NEO1: variants seen among roughly 807,000 people sequenced by gnomAD.
NEO1 encodes the protein neogenin 1, also known as neogenin.
NEO1 carries 63 observed loss-of-function variants against 159.7 expected under a neutral mutation model. The ratio of observed to expected loss-of-function variants is 0.39; its 90% confidence interval spans 0.32 to 0.49. NEO1 has a LOEUF of 0.49. Ranked by LOEUF, NEO1 falls within the 20% of genes least tolerant of loss-of-function variation. The probability of loss-of-function intolerance (pLI) is 0.85; values close to 1 mark genes in which losing one functional copy is unlikely to be tolerated. For synonymous variants in NEO1, 633 were observed against 662.0 expected, an observed-to-expected ratio of 0.96 and a Z score of 0.67; for missense variants, 1,615 against 1,831.0, an observed-to-expected ratio of 0.88 and a Z score of 2.15.
chr15:73,200,765 C>T (rs1243684567), intron 7 of NEO1, among the ~76,000 whole-genome samples: 1 of 149,274 alleles, frequency 6.7e-6, no homozygotes, highest in Non-Finnish European at 1.5e-5. Flanking sequence ...CTCACGGCAG[C>T]CTCGACTTCC....
intron 7 of NEO1, among the ~76,000 whole-genome samples, chr15:73,206,619 T>C (rs932456235): frequency 6.6e-6 from 1 of 152,158 alleles, no homozygotes; most frequent in Non-Finnish European, 1.5e-5. Context: ...GTTTTGTTTT[T>C]TTAATTACTC....
intron 4 of NEO1, among the ~76,000 whole-genome samples, chr15:73,129,622 G>A (rs995226016): frequency 6.6e-6 from 1 of 152,062 alleles, no homozygotes; most frequent in Non-Finnish European, 1.5e-5. Flanking sequence ...TATTTTAAAG[G>A]GAGAGAATCT....
intron 1 of NEO1, among the ~76,000 whole-genome samples, chr15:73,075,614 A>C (rs1003650229): frequency 6.6e-6 from 1 of 151,128 alleles, no homozygotes; most frequent in South Asian, 2.1e-4. Flanking sequence ...CATTTGATAG[A>C]GACACTGGAA....
intron 1 of NEO1, among the ~76,000 whole-genome samples, chr15:73,075,185 C>A (rs1318904990): frequency 4.6e-5 from 7 of 152,130 alleles, no homozygotes; most frequent in African/African-American, 1.7e-4. Context: ...TTCCAGCCTT[C>A]TAGAAGTCCA....
At chr15:73,224,513 C>T (rs896147661) in intron 7 of NEO1, among the ~76,000 whole-genome samples, 2 of 152,022 alleles carry the variant, frequency 1.3e-5, no homozygotes, top group African/African-American at 4.8e-5. Context: ...TTTTCTTATT[C>T]TTTTTTCTTT....
At chr15:73,289,375 G>A (rs1308521003) in intron 25 of NEO1, 137 bp downstream of exon 25, 1 of 738,062 alleles carries the variant, frequency 1.4e-6, no homozygotes, top group Non-Finnish European at 2.3e-6. Flanking sequence ...CTTGAAGGAG[G>A]AAGTACCAAA....
chr15:73,290,526 A>ATG (rs2042126490), intron 25 of NEO1, among the ~76,000 whole-genome samples: 1 of 151,850 alleles, frequency 6.6e-6, no homozygotes, highest in Non-Finnish European at 1.5e-5. Flanking sequence ...AGCCACCACC[A>ATG]CCCGCCCAGC....
intron 7 of NEO1, among the ~76,000 whole-genome samples, chr15:73,202,573 C>T (rs2036962650): frequency 6.6e-6 from 1 of 152,088 alleles, no homozygotes. Context: ...TTGTTTTCTA[C>T]CTCCTCCTCT....
In NEO1 at chr15:73,249,062, C is replaced by A; in HGVS notation, c.1609C>A (p.Gln537Lys). The A allele has an allele frequency of 6.2e-7, 1 of 1,613,374 alleles. No homozygotes were observed. The highest frequency in any genetic ancestry group is 1.1e-5 in the South Asian group (1 of 90,960). ...PLRVETQPEVQLPGPAPNLRA... is the reference protein window; with the variant it reads ...PLRVETQPEVKLPGPAPNLRA... ...CTTTCTCGAACTTTTCTTTCTAGTTCAGCTCCCTGGCCCAGCACCTAACCT... is the reference window on the plus strand; with the variant it reads ...CTTTCTCGAACTTTTCTTTCTAGTTAAGCTCCCTGGCCCAGCACCTAACCT... Residue 537 changes from glutamine (Q) to lysine (K), a missense_variant and splice_region_variant, in exon 10 of 29, where the codon CAG (glutamine) becomes AAG (lysine). By Grantham distance (53) the Gln-to-Lys change is moderately conservative. Coordinates refer to ENST00000261908, the MANE Select transcript of NEO1 (RefSeq NM_002499.4).
intron 25 of NEO1, among the ~76,000 whole-genome samples, chr15:73,290,606 G>A (rs1327916550): frequency 6.6e-6 from 1 of 152,098 alleles, no homozygotes; most frequent in East Asian, 1.9e-4. Flanking sequence ...AGGTTTCTGA[G>A]CCTCTTTTAA....
At chr15:73,207,458 C>T (rs1254037096) in intron 7 of NEO1, among the ~76,000 whole-genome samples, 1 of 152,202 alleles carries the variant, frequency 6.6e-6, no homozygotes, top group Non-Finnish European at 1.5e-5. Flanking sequence ...AGATGCCTCC[C>T]TTCTACCAGG....
chr15:73,106,979 G>GT (rs2070728215), intron 1 of NEO1, among the ~76,000 whole-genome samples: 1 of 152,084 alleles, frequency 6.6e-6, no homozygotes, highest in African/African-American at 2.4e-5. Context: ...TATCTTGCTG[G>GT]TTTTACCCTC....
intron 14 of NEO1, among the ~76,000 whole-genome samples, chr15:73,260,013 T>A (rs144639082): frequency 6.6e-6 from 1 of 152,202 alleles, no homozygotes; most frequent in East Asian, 1.9e-4. Flanking sequence ...TGTATCTCTT[T>A]GTTTTCTCTT....
chr15:73,109,940 A>G (rs2070884170), intron 1 of NEO1, among the ~76,000 whole-genome samples: 1 of 152,204 alleles, frequency 6.6e-6, no homozygotes, highest in Admixed American at 6.5e-5. Context: ...AGAGAGACTG[A>G]ACTCTGGAAC....
At chr15:73,229,067 C>CTTTTGCATTTCTTCTAGCA (rs2038759485) in intron 7 of NEO1, among the ~76,000 whole-genome samples, 4 of 152,062 alleles carry the variant, frequency 2.6e-5, no homozygotes, top group Admixed American at 2.6e-4. Context: ...TATTCTAGGT[C>CTTTTGCATTTCTTCTAGCA]TTTTGCATTT....
intron 7 of NEO1, among the ~76,000 whole-genome samples, chr15:73,201,619 T>A (rs550057488): frequency 2.1e-3 from 318 of 152,224 alleles, no homozygotes; most frequent in Non-Finnish European, 3.2e-3. Flanking sequence ...ACTTAGTAAT[T>A]TTTTTTCCTT....
intron 1 of NEO1, among the ~76,000 whole-genome samples, chr15:73,110,924 AAAAT>A (rs2151575549): frequency 6.6e-6 from 1 of 152,318 alleles, no homozygotes; most frequent in African/African-American, 2.4e-5. Flanking sequence ...GATCTTTTAG[AAAAT>A]AATCTCCTGT....
chr15:73,296,259 C>A (rs1175978886), intron 26 of NEO1, among the ~76,000 whole-genome samples: 1 of 152,146 alleles, frequency 6.6e-6, no homozygotes, highest in Non-Finnish European at 1.5e-5. Context: ...GGACATGAGT[C>A]TACTGTTCTC....
At chr15:73,138,755 CA>C (rs11368240) in intron 5 of NEO1, among the ~76,000 whole-genome samples, 33,830 of 108,670 alleles carry the variant, frequency 0.31, 6,135 homozygotes, top group African/African-American at 0.63. Context: ...GACTCCGTCT[CA>C]AAAAAAAAAA....
Sources: allele counts gnomAD v4.1 joint callset (sites outside exome capture counted in the v4.1 genomes callset), GRCh38; gene constraint gnomAD v4.1.1; transcripts MANE v1.5; gene names NCBI Gene and HGNC (gene_info 2026-07-23, HGNC 2026-07-21).